RIOK1: variants seen among roughly 807,000 people sequenced by gnomAD.
RIOK1 encodes RIO kinase 1.
In RIOK1, 66 loss-of-function variants were observed where a neutral mutation model predicts 73.5. The observed-to-expected ratio is 0.90, with a 90% CI of 0.74 to 1.10. The LOEUF (loss-of-function observed/expected upper bound fraction) is 1.10. Among genes scored for constraint, RIOK1 ranks in the 50% least tolerant of loss-of-function variants. The pLI is 0.00. For missense variants in RIOK1, 658 were observed against 699.8 expected (o/e 0.94, Z 0.67); for synonymous variants, 224 against 226.8 (o/e 0.99, Z 0.11).
chr6:7,394,400 C>T (rs576828528), intron 2 of RIOK1, among the ~76,000 whole-genome samples: 3 of 152,352 alleles, frequency 2.0e-5, no homozygotes, highest in African/African-American at 7.2e-5. Flanking sequence ...CACCACTGCA[C>T]TCCAGCCTGG....
chr6:7,402,643 G>A lies in RIOK1; in HGVS notation c.614G>A (p.Arg205Lys), dbSNP rs148276498. Residue 205 changes from arginine (R) to lysine (K), a missense_variant, in exon 7 of 17, where the codon AGA (arginine) becomes AAA (lysine). Physicochemically the swap from Arg to Lys is conservative, Grantham distance 26. Coordinates refer to ENST00000379834, the MANE Select transcript of RIOK1 (RefSeq NM_031480.3). ...YHASTANGES[R>K]AIKIYKTSIL... ...GCTAGCACAGCAAATGGAGAGAGCA[G>A]AGCAATCAAAATTTATAAAACTTCT... is the stretch of plus-strand genomic sequence containing the variant. 16 of 1,612,740 alleles carry A rather than the reference G, an allele frequency of 9.9e-6. No homozygotes were observed. In the African/African-American group the frequency reaches 2.0e-4, roughly 20 times the overall value.
In RIOK1 at chr6:7,411,744, A is replaced by G. The variant is rs370248505; in HGVS notation, c.1389+293A>G. ...GTTATTATATTAGGTCCATTAACAT[A>G]TATTTCTTTAACATACATCATTCAG... On this transcript the variant is annotated intron_variant, in intron 14 of 16. Transcript: ENST00000379834. 5.1e-4 allele frequency among the ~76,000 whole-genome samples: 78 copies of G among 152,350 alleles called. 1 individual carries two copies. The highest frequency in any genetic ancestry group is 1.8e-3 in the African/African-American group (73 of 41,588).
Position 7,391,859 on chromosome 6 carries a change from G to A in RIOK1, c.72-1240G>A, listed in dbSNP as rs571703145. Among the ~76,000 whole-genome samples, 8 of 152,336 alleles carry A rather than the reference G, an allele frequency of 5.3e-5. No individual in the cohort carries two copies. The East Asian group carries it at 1.5e-3, about 29-fold the overall frequency. ...AGGCAATTATATATCAATCTGTGGAGCATATGTATGAAGTCCTGGTAAGTA... is the reference window on the plus strand; with the variant it reads ...AGGCAATTATATATCAATCTGTGGAACATATGTATGAAGTCCTGGTAAGTA... On this transcript the variant is annotated intron_variant, in intron 1 of 16. Transcript: ENST00000379834.
intron 16 of RIOK1, among the ~76,000 whole-genome samples, chr6:7,416,064 ATTTC>A (rs1761992954): frequency 6.6e-6 from 1 of 152,170 alleles, no homozygotes; most frequent in African/African-American, 2.4e-5. Context: ...GGACTCTTGT[ATTTC>A]TTTAATCCCT....
rs977393134 is a variant in RIOK1, at chr6:7,414,289, G to A, written c.1495G>A (p.Glu499Lys). ...QVEERTCSDS[E>K]DIGSSECSDT... ...GGAGGAAAGGACTTGTTCTGATTCA[G>A]AAGATATTGGAAGCTCTGAGTGCTC... Residue 499 changes from glutamate to lysine, a missense_variant, in exon 16 of 17, where the codon GAA becomes AAA. By Grantham distance (56) the Glu-to-Lys change is moderately conservative. Coordinates refer to ENST00000379834, the MANE Select transcript of RIOK1 (RefSeq NM_031480.3). 9.3e-6 allele frequency: 15 copies of A among 1,614,002 alleles called. No individual in the cohort carries two copies. Among genetic ancestry groups the A allele is most frequent in the Non-Finnish European group, 1.2e-5 (14 of 1,179,952 alleles).
intron 5 of RIOK1, among the ~76,000 whole-genome samples, chr6:7,399,679 C>T (rs1761565961): frequency 6.6e-6 from 1 of 152,122 alleles, no homozygotes; most frequent in African/African-American, 2.4e-5. Flanking sequence ...TCTTCCTATG[C>T]CCCTGACTTG....
At chr6:7,402,742 G>A (rs983211420) in intron 7 of RIOK1, 27 bp downstream of exon 7, 22 of 1,604,312 alleles carry the variant, frequency 1.4e-5, no homozygotes, top group Non-Finnish European at 1.8e-5. Flanking sequence ...CCCTCCAGTT[G>A]GTTTAATTTC....
At chr6:7,414,817 A>C (rs991381869) in intron 16 of RIOK1, among the ~76,000 whole-genome samples, 3 of 152,178 alleles carry the variant, frequency 2.0e-5, no homozygotes, top group Admixed American at 6.5e-5. Flanking sequence ...GCAAATATTA[A>C]ATGGAAAATT....
intron 8 of RIOK1, 52 bp from the exon 9 acceptor site, chr6:7,403,889 T>C: frequency 8.0e-7 from 1 of 1,257,464 alleles, no homozygotes; most frequent in Non-Finnish European, 1.2e-6. Flanking sequence ...GTAATTTATT[T>C]AGATGCCTTT....
chr6:7,413,602 A>G (rs1006273485), intron 15 of RIOK1, among the ~76,000 whole-genome samples: 3 of 152,234 alleles, frequency 2.0e-5, no homozygotes, highest in Non-Finnish European at 4.4e-5. Context: ...TTTCTGAGTT[A>G]TAATAACAGG....
At chr6:7,399,744 C>G (rs1761567439) in intron 5 of RIOK1, among the ~76,000 whole-genome samples, 1 of 152,234 alleles carries the variant, frequency 6.6e-6, no homozygotes, top group South Asian at 2.1e-4. Context: ...CCATACTCAG[C>G]CAGCTGACTT....
intron 16 of RIOK1, among the ~76,000 whole-genome samples, chr6:7,416,320 A>G (rs1438646495): frequency 6.6e-6 from 1 of 152,242 alleles, no homozygotes; most frequent in Admixed American, 6.5e-5. Context: ...TAACATTCTT[A>G]GGGATATTTC....
rs150425917 is a variant in RIOK1, at chr6:7,396,892, G to GGTGTGTGTGTGTGTGT, written c.437+133_437+148dup. On this transcript the variant is annotated intron_variant, in intron 4 of 16. Coordinates refer to ENST00000379834, the MANE Select transcript of RIOK1 (RefSeq NM_031480.3). ...GTATACTTAAACCAATCATTATTTTGGTGTGTGTGTGTGTGTGTGTGTGTG... is the reference window on the plus strand; with the variant it reads ...GTATACTTAAACCAATCATTATTTTGGTGTGTGTGTGTGTGTGTGTGTGTGTGTGTGTGTGTGTGTG... 1,597 of 416,502 alleles carry GGTGTGTGTGTGTGTGT rather than the reference G, an allele frequency of 3.8e-3. 27 individuals carry two copies. The highest frequency in any genetic ancestry group is 0.03 in the African/African-American group (1,440 of 48,756). The allele number at this position is 416,502 out of a possible 1,614,324, so 25.8% of individuals were successfully genotyped here.
chr6:7,416,090 T>TA (rs1478725259), intron 16 of RIOK1, among the ~76,000 whole-genome samples: 34 of 152,298 alleles, frequency 2.2e-4, no homozygotes, highest in African/African-American at 7.5e-4. Flanking sequence ...GCCATAGACA[T>TA]AGAGACACTG....
intron 16 of RIOK1, among the ~76,000 whole-genome samples, chr6:7,416,150 T>C (rs1761994899): frequency 6.6e-6 from 1 of 152,218 alleles, no homozygotes; most frequent in African/African-American, 2.4e-5. Flanking sequence ...TCTAATCCTT[T>C]AAACCTTATA....
At chr6:7,413,158 T>C (rs2113530019) in intron 15 of RIOK1, among the ~76,000 whole-genome samples, 1 of 152,354 alleles carries the variant, frequency 6.6e-6, no homozygotes, top group East Asian at 1.9e-4. Flanking sequence ...TGGAAATTAA[T>C]TTATTTTTCT....
chr6:7,390,144 CTT>C, intron 1 of RIOK1, 71 bp downstream of exon 1: 1 of 1,318,566 alleles, frequency 7.6e-7, no homozygotes, highest in South Asian at 1.3e-5. Flanking sequence ...GGTGTGGACT[CTT>C]GTTTGCGGTT....
At chr6:7,403,750 T>C (rs1276709341) in intron 8 of RIOK1, among the ~76,000 whole-genome samples, 191 bp from the exon 9 acceptor site, 8 of 152,200 alleles carry the variant, frequency 5.3e-5, no homozygotes, top group Non-Finnish European at 7.4e-5. Flanking sequence ...ATTGCTAGTG[T>C]TTTATCATTC....
In RIOK1 at chr6:7,412,843, A is replaced by C. The variant is rs758088411; in HGVS notation, c.1390-46A>C. 4 of 1,014,784 alleles carry C rather than the reference A, an allele frequency of 3.9e-6. No individual in the cohort carries two copies. The African/African-American group carries it at 6.7e-5, about 17-fold the overall frequency. The allele number at this position is 1,014,784 out of a possible 1,614,324, so 62.9% of individuals were successfully genotyped here. ...GTGCAATATGCATATTTCATTGTCTAGTTTTATGTTGATCCTTATTTTTTT... is the reference window on the plus strand; with the variant it reads ...GTGCAATATGCATATTTCATTGTCTCGTTTTATGTTGATCCTTATTTTTTT... On this transcript the variant is annotated intron_variant, in intron 14 of 16. Coordinates refer to ENST00000379834, the MANE Select transcript of RIOK1 (RefSeq NM_031480.3).
Sources: gnomAD v4.1 joint callset for allele counts (sites outside exome capture counted in the v4.1 genomes callset) on GRCh38, gnomAD v4.1.1 for gene constraint, MANE v1.5 for transcripts, NCBI Gene and HGNC (gene_info 2026-07-23, HGNC 2026-07-21) for gene names.